PIK3C2B: variants seen among roughly 807,000 people sequenced by gnomAD.
The protein encoded by PIK3C2B is phosphatidylinositol 4-phosphate 3-kinase C2 domain-containing subunit beta.
Under a neutral mutation model 184.3 loss-of-function variants are expected in PIK3C2B, and 83 were observed. That is an observed-to-expected ratio of 0.45 (90% CI 0.38 to 0.54). The LOEUF is 0.54. Ranked by LOEUF, PIK3C2B falls within the 20% of genes least tolerant of loss-of-function variation. The pLI, the probability that PIK3C2B is intolerant of heterozygous loss-of-function variation, is 0.00. For synonymous variants in PIK3C2B, 779 were observed against 837.6 expected, an observed-to-expected ratio of 0.93 and a Z score of 1.21; for missense variants, 1,736 against 2,113.5, an observed-to-expected ratio of 0.82 and a Z score of 3.50.
In PIK3C2B at chr1:204,441,606, T is replaced by C. The variant is rs79907867; in HGVS notation, c.3157-43A>G. 1.2e-4 allele frequency: 169 copies of C among 1,436,188 alleles called. 2 individuals are homozygous for C. In the East Asian group the frequency reaches 3.8e-3, roughly 32 times the overall value. 89.0% of individuals were successfully genotyped at this position (1,436,188 alleles called of 1,614,324 possible). The stretch of plus-strand genomic sequence containing the variant: ...TAGTGACGAGGGTCAGAGTGGCCCA[T>C]GCCAGGAAAGGAAAACGACCTCTCC... On this transcript the variant is annotated intron_variant, in intron 20 of 32. Transcript: ENST00000684373.
intron 20 of PIK3C2B, 40 bp from the exon 21 acceptor site, chr1:204,441,603 C>T (rs1409496703): frequency 2.8e-6 from 4 of 1,444,788 alleles, no homozygotes; most frequent in Non-Finnish European, 3.9e-6. Context: ...TCAGAGTGGC[C>T]CATGCCAGGA....
In PIK3C2B at chr1:204,466,506, G is replaced by A. The variant is rs1572368572; in HGVS notation, c.934-1187C>T. Reference sequence around the variant, plus strand: ...GCGGGGGGTGGGGGTGCACAGAGGGGAGGGCAGCAGTGGGGACAGTTGGCA... The same window carrying A: ...GCGGGGGGTGGGGGTGCACAGAGGGAAGGGCAGCAGTGGGGACAGTTGGCA... On this transcript the variant is annotated intron_variant, in intron 2 of 32. Coordinates refer to ENST00000684373, the MANE Select transcript of PIK3C2B (RefSeq NM_001377334.1). Among the ~76,000 whole-genome samples the A allele has an allele frequency of 2.6e-5, 4 of 152,216 alleles. No individual in the cohort carries two copies. The South Asian group carries it at 6.2e-4, about 24-fold the overall frequency.
At chr1:204,449,581 A>C (rs568234081) in intron 13 of PIK3C2B, among the ~76,000 whole-genome samples, 2 of 152,262 alleles carry the variant, frequency 1.3e-5, no homozygotes, top group South Asian at 4.2e-4. Context: ...GGTTCTTCCA[A>C]TGACAAGACC....
At chr1:204,494,037 T>A (rs1658195880) in intron 1 of PIK3C2B, among the ~76,000 whole-genome samples, 1 of 152,160 alleles carries the variant, frequency 6.6e-6, no homozygotes, top group Admixed American at 6.5e-5. Context: ...CTGGTTCAGA[T>A]CGCCCTGCAG....
chr1:204,490,962 C>T (rs1350766476), intron 1 of PIK3C2B, among the ~76,000 whole-genome samples: 1 of 152,182 alleles, frequency 6.6e-6, no homozygotes, highest in Non-Finnish European at 1.5e-5. Flanking sequence ...TCTCTTCCTT[C>T]CTTGGAAGGT....
chr1:204,428,336 C>T (rs1674861324), intron 29 of PIK3C2B, 116 bp from the exon 30 acceptor site: 1 of 660,388 alleles, frequency 1.5e-6, no homozygotes, highest in African/African-American at 1.8e-5. Flanking sequence ...CAACAACATG[C>T]AGTTCTTATG....
At chr1:204,450,174 G>C in intron 12 of PIK3C2B, 157 bp from the exon 13 acceptor site, 1 of 610,384 alleles carries the variant, frequency 1.6e-6, no homozygotes, top group East Asian at 2.9e-5. Flanking sequence ...GCAGAACCAG[G>C]AGAGGTCCCA....
intron 1 of PIK3C2B, among the ~76,000 whole-genome samples, chr1:204,473,989 CTT>C (rs71145092): frequency 3.0e-4 from 35 of 115,134 alleles, no homozygotes; most frequent in African/African-American, 1.1e-3. Flanking sequence ...CTCCCCTTGA[CTT>C]TTTTTTTTTT....
intron 14 of PIK3C2B, 46 bp downstream of exon 14, chr1:204,449,139 T>C (rs1258869979): frequency 2.3e-6 from 3 of 1,315,196 alleles, no homozygotes; most frequent in Non-Finnish European, 2.2e-6. Context: ...TAGAGTTGAC[T>C]GGAATGGTCT....
intron 14 of PIK3C2B, 61 bp downstream of exon 14, chr1:204,449,124 A>G (rs1654125604): frequency 8.3e-7 from 1 of 1,198,538 alleles, no homozygotes; most frequent in East Asian, 2.5e-5. Context: ...TCCAGGAGAA[A>G]AATGTAGAGT....
At chr1:204,446,824 A>C (rs1347381045) in intron 15 of PIK3C2B, among the ~76,000 whole-genome samples, 2 of 152,088 alleles carry the variant, frequency 1.3e-5, no homozygotes, top group African/African-American at 2.4e-5. Flanking sequence ...TCATGCCCCC[A>C]CACACACAAC....
At chr1:204,426,351 C>T (rs60933163) in intron 31 of PIK3C2B, among the ~76,000 whole-genome samples, 26,610 of 152,222 alleles carry the variant, frequency 0.17, 3,066 homozygotes, top group East Asian at 0.59. Context: ...TGGCCCCTTG[C>T]TGTTTCTGAC....
chr1:204,435,955 A>G (rs1225825922), intron 23 of PIK3C2B: 1 of 152,238 alleles, frequency 6.6e-6, no homozygotes, highest in Non-Finnish European at 1.5e-5. Flanking sequence ...CTGGATCTCT[A>G]TCAAATCCTC....
intron 1 of PIK3C2B, among the ~76,000 whole-genome samples, chr1:204,475,075 C>T (rs1360850932): frequency 6.6e-6 from 1 of 152,162 alleles, no homozygotes; most frequent in East Asian, 1.9e-4. Flanking sequence ...TTACAATGGC[C>T]TCCTAATAGT....
intron 9 of PIK3C2B, 50 bp downstream of exon 9, chr1:204,457,678 G>A: frequency 1.3e-6 from 2 of 1,536,202 alleles, no homozygotes; most frequent in Non-Finnish European, 1.8e-6. Context: ...TCAGTTACCT[G>A]ACAGTATCCC....
At chr1:204,488,554 C>A (rs1177933315) in intron 1 of PIK3C2B, among the ~76,000 whole-genome samples, 1 of 152,224 alleles carries the variant, frequency 6.6e-6, no homozygotes. Flanking sequence ...TTTTACCTGT[C>A]CTCTTCACTG....
At position 204,445,955 on chromosome 1, in the gene PIK3C2B, C is replaced by A; in HGVS notation, c.2678+1G>T. On this transcript the variant is annotated splice_donor_variant, in intron 16 of 32. Transcript: ENST00000684373. LOFTEE classifies it high-confidence loss of function. ...CAGAAAAGGCAGATGTTACAACTCA[C>A]GTGGCATGCAGGAGCCCCAGGGCAT... The A allele has an allele frequency of 6.6e-7, 1 of 1,515,306 alleles. No individual in the cohort carries two copies. 93.9% of individuals were successfully genotyped at this position (1,515,306 alleles called of 1,614,324 possible).
At position 204,469,198 on chromosome 1, in the gene PIK3C2B, A is replaced by C. The variant is rs140206020; in HGVS notation, c.605T>G (p.Leu202Arg). ...FSLVEQLPGK[L>R]LEHRILEEEE... ...CTCTTCTAGGATCCGATGCTCTAGC[A>C]GTTTGCCCGGCAATTGTTCGACCAA... is the stretch of plus-strand genomic sequence containing the variant. Residue 202 changes from leucine (L) to arginine (R), a missense_variant, in exon 2 of 33, where the codon CTG (leucine) becomes CGG (arginine). Transcript: ENST00000684373. 1.5e-3 allele frequency: 2,381 copies of C among 1,612,334 alleles called. 4 individuals carry two copies. The highest frequency in any genetic ancestry group is 1.5e-3 in the Non-Finnish European group (1,771 of 1,178,868).
rs1016383662 is a variant in PIK3C2B, at chr1:204,447,341, C to T, written c.2489+95G>A. On this transcript the variant is annotated intron_variant, in intron 15 of 32. Coordinates refer to ENST00000684373, the MANE Select transcript of PIK3C2B (RefSeq NM_001377334.1). The surrounding 1 kb of genome is among the most constrained non-coding windows in gnomAD (Gnocchi z 4.1). ...TTCCTGCTGAGATGGCAATGCCCACCCCTTCCCACCTCCACTCCCAAAGCA... is the reference window on the plus strand; with the variant it reads ...TTCCTGCTGAGATGGCAATGCCCACTCCTTCCCACCTCCACTCCCAAAGCA... 6 of 1,246,658 alleles carry T rather than the reference C, an allele frequency of 4.8e-6. No individual in the cohort carries two copies. The Admixed American group carries it at 7.7e-5, about 16-fold the overall frequency. 77.2% of individuals were successfully genotyped at this position (1,246,658 alleles called of 1,614,324 possible).
Sources: gnomAD v4.1 joint callset for allele counts (sites outside exome capture counted in the v4.1 genomes callset) on GRCh38, gnomAD v4.1.1 for gene constraint, Gnocchi (gnomAD v3.1) non-coding constraint, MANE v1.5 for transcripts, NCBI Gene and HGNC (gene_info 2026-07-23, HGNC 2026-07-21) for gene names.